Variants in IQSEC3 observed in about 807,000 individuals in gnomAD.
The protein encoded by IQSEC3 is IQ motif and Sec7 domain ArfGEF 3.
IQSEC3 carries 50 observed loss-of-function variants against 105.4 expected under a neutral mutation model. That is an observed-to-expected ratio of 0.47 (90% confidence interval 0.38 to 0.60). The LOEUF (loss-of-function observed/expected upper bound fraction) is 0.60. IQSEC3 is among the 20% of genes least tolerant of loss of function. The pLI, the probability that IQSEC3 is intolerant of heterozygous loss-of-function variation, is 0.00. For missense variants in IQSEC3, 1,415 were observed against 1,630.0 expected (o/e 0.87, Z 2.27); for synonymous variants, 708 against 746.0 (o/e 0.95, Z 0.83).
chr12:125,988 A>G, intron 3 of IQSEC3, 76 bp downstream of exon 3: 3 of 1,397,852 alleles, frequency 2.1e-6, no homozygotes, highest in Non-Finnish European at 2.9e-6. Context: ...GGTACCAGGG[A>G]TATCCCCGCT....
Position 141,105 on chromosome 12 carries a change from TCCCCAC to T in IQSEC3, c.1992-11_1992-6del. ...GCTTCAGCTCACTCTCTACTGCTTC[TCCCCAC>T]CCCCACCTCCAGAAACCCCGACAAG... On this transcript the variant is annotated splice_polypyrimidine_tract_variant and intron_variant, in intron 4 of 13. Coordinates refer to ENST00000538872, the MANE Select transcript of IQSEC3 (RefSeq NM_001170738.2). 1 of 1,577,950 alleles carries T rather than the reference TCCCCAC, an allele frequency of 6.3e-7. No homozygotes were observed. The highest frequency in any genetic ancestry group is 8.7e-7 in the Non-Finnish European group (1 of 1,151,314).
chr12:89,094 C>A (rs558392055), intron 1 of IQSEC3, among the ~76,000 whole-genome samples: 1 of 152,260 alleles, frequency 6.6e-6, no homozygotes, highest in South Asian at 2.1e-4. Flanking sequence ...TCTGCATCTC[C>A]AGCCCAGAGC....
chr12:172,475 C>T (rs1297169001), intron 13 of IQSEC3, among the ~76,000 whole-genome samples: 1 of 152,182 alleles, frequency 6.6e-6, no homozygotes, highest in African/African-American at 2.4e-5. Flanking sequence ...CAACCCCACG[C>T]ACTCCTCCCT....
intron 13 of IQSEC3, among the ~76,000 whole-genome samples, chr12:172,235 C>T (rs1939043186): frequency 6.6e-6 from 1 of 151,770 alleles, no homozygotes; most frequent in Non-Finnish European, 1.5e-5. Context: ...CCCCCCACCC[C>T]CCACACACCC....
At chr12:68,884 C>A (rs1418160265) in intron 1 of IQSEC3, among the ~76,000 whole-genome samples, 1 of 152,220 alleles carries the variant, frequency 6.6e-6, no homozygotes, top group African/African-American at 2.4e-5. Flanking sequence ...TCTGGCTTGG[C>A]AGACTTAAAA....
chr12:170,992 C>T lies in IQSEC3; in HGVS notation c.3065-120C>T, dbSNP rs570108201. On this transcript the variant is annotated intron_variant, in intron 12 of 13. Coordinates refer to ENST00000538872, the MANE Select transcript of IQSEC3 (RefSeq NM_001170738.2). The stretch of plus-strand genomic sequence containing the variant: ...GCAGAGTGGGGCTCCCAACCTCCGC[C>T]TCAGTGAGGAGCAGTGTGACCCCAA... 4.1e-4 allele frequency: 512 copies of T among 1,243,186 alleles called. 5 individuals carry two copies. Among genetic ancestry groups the T allele is most frequent in the South Asian group, 3.0e-3 (235 of 78,588 alleles). The allele number at this position is 1,243,186 out of a possible 1,614,324, so 77.0% of individuals were successfully genotyped here.
intron 1 of IQSEC3, among the ~76,000 whole-genome samples, chr12:78,208 C>T (rs1320489616): frequency 6.6e-6 from 1 of 151,464 alleles, no homozygotes; most frequent in African/African-American, 2.4e-5. Flanking sequence ...CCCGCGTTCC[C>T]GGCCCGAGGG....
chr12:74,305 T>TCAC (rs1863435469), intron 1 of IQSEC3, among the ~76,000 whole-genome samples: 4 of 152,314 alleles, frequency 2.6e-5, no homozygotes, highest in African/African-American at 9.6e-5. Flanking sequence ...GCCTGATGTG[T>TCAC]GGTTGTGGGT....
intron 3 of IQSEC3, among the ~76,000 whole-genome samples, chr12:126,565 G>C (rs1555083583): frequency 6.6e-6 from 1 of 151,914 alleles, no homozygotes. Flanking sequence ...GTGTGTGTGT[G>C]TGTGTGTGCG....
chr12:123,565 A>C (rs1865286777), intron 2 of IQSEC3, among the ~76,000 whole-genome samples: 1 of 152,248 alleles, frequency 6.6e-6, no homozygotes, highest in African/African-American at 2.4e-5. Flanking sequence ...TTTCACGGCC[A>C]GGGCCAGCCA....
intron 2 of IQSEC3, among the ~76,000 whole-genome samples, chr12:100,131 C>T (rs1056148963): frequency 3.3e-5 from 5 of 152,162 alleles, no homozygotes; most frequent in Admixed American, 1.3e-4. Context: ...CTGCCCTGGG[C>T]CTCAGTTTCC....
chr12:163,645 G>T, intron 9 of IQSEC3, 26 bp downstream of exon 9: 1 of 1,300,378 alleles, frequency 7.7e-7, no homozygotes, highest in Non-Finnish European at 1.1e-6. Context: ...TCCGGGACTG[G>T]GCTGGGCTGG....
chr12:172,053 C>T (rs1939029765), intron 13 of IQSEC3, among the ~76,000 whole-genome samples: 1 of 152,174 alleles, frequency 6.6e-6, no homozygotes, highest in South Asian at 2.1e-4. Context: ...TCTGCCCGGC[C>T]TCCCGGGGCC....
intron 11 of IQSEC3, among the ~76,000 whole-genome samples, chr12:168,698 A>C (rs1464289812): frequency 2.6e-5 from 4 of 151,898 alleles, no homozygotes; most frequent in African/African-American, 9.7e-5. Context: ...CTTGCCTAAA[A>C]CCACACAGCC....
intron 1 of IQSEC3, among the ~76,000 whole-genome samples, chr12:87,479 A>G (rs1259793400): frequency 6.6e-6 from 1 of 152,232 alleles, no homozygotes; most frequent in Non-Finnish European, 1.5e-5. Context: ...CTAAGAGATC[A>G]CTAGGGACCT....
intron 2 of IQSEC3, among the ~76,000 whole-genome samples, chr12:108,672 C>T (rs782551018): frequency 5.9e-5 from 9 of 152,244 alleles, no homozygotes; most frequent in Non-Finnish European, 7.4e-5. Flanking sequence ...GGCCCACTGA[C>T]CCCAGGAGGA....
chr12:134,080 G>A lies in IQSEC3; in HGVS notation c.904-4187G>A, dbSNP rs1565421097. On this transcript the variant is annotated intron_variant, in intron 3 of 13. Coordinates refer to ENST00000538872, the MANE Select transcript of IQSEC3 (RefSeq NM_001170738.2). ...AGGACGAAGGAAATGGGAGTAAAAA[G>A]AGCATGTGTAGGGTGAGCTGAACAC... 1.3e-5 allele frequency among the ~76,000 whole-genome samples: 2 copies of A among 152,378 alleles called. 1 individual carries two copies. Among genetic ancestry groups the A allele is most frequent in the East Asian group, 3.9e-4 (2 of 5,192 alleles).
intron 5 of IQSEC3, among the ~76,000 whole-genome samples, chr12:153,611 T>C (rs1292155667): frequency 3.3e-5 from 5 of 152,142 alleles, no homozygotes; most frequent in African/African-American, 1.2e-4. Flanking sequence ...CACCTGTTCA[T>C]GAAACACAGA....
rs782440445 is a variant in IQSEC3, at chr12:161,972, C to T, written c.2490C>T (p.Ile830=). 6.2e-7 allele frequency: 1 copy of T among 1,612,404 alleles called. No individual in the cohort carries two copies. The highest frequency in any genetic ancestry group is 2.2e-5 in the East Asian group (1 of 44,818). Residue 830 remains isoleucine, a synonymous_variant, in exon 8 of 14, where the codon ATC becomes ATT. Transcript: ENST00000538872. ...TCCCCAGGGAGCTGGTGGTAGGCAT[C>T]TATGAGAGGATACAGCAGAAGGAGC... ...ADIPRELVVG[I]YERIQQKELK...
Sources: gnomAD v4.1 joint callset for allele counts (sites outside exome capture counted in the v4.1 genomes callset) on GRCh38, gnomAD v4.1.1 for gene constraint, MANE v1.5 for transcripts, NCBI Gene and HGNC (gene_info 2026-07-23, HGNC 2026-07-21) for gene names.